The following ACTMAP variants were observed in gnomAD, a reference collection of about 807,000 sequenced individuals.
ACTMAP encodes actin maturation protease, also known as UPF0692 protein C19orf54.
At chr19:40,742,926 G>C in the ACTMAP span, among the ~76,000 whole-genome samples, 2 of 152,154 alleles carry the variant, frequency 1.3e-5, no homozygotes, top group Non-Finnish European at 2.9e-5. Flanking sequence ...TTGGGATTTG[G>C]ACCCACCGTG....
At chr19:40,749,103 G>A in the ACTMAP span, among the ~76,000 whole-genome samples, 4 of 146,926 alleles carry the variant, frequency 2.7e-5, no homozygotes, top group Non-Finnish European at 6.0e-5. Flanking sequence ...CGATTCTCCC[G>A]CCTCAGCCTC....
At chr19:40,749,616 G>A in the ACTMAP span, 6 of 1,550,462 alleles carry the variant, frequency 3.9e-6, no homozygotes, top group African/African-American at 1.4e-5. Flanking sequence ...CCCTGTGGCA[G>A]CGGGTGGAGG....
At chr19:40,744,994 A>G in the ACTMAP span, 42 of 1,098,234 alleles carry the variant, frequency 3.8e-5, no homozygotes, top group African/African-American at 5.0e-4. Flanking sequence ...GCCTGAGTGG[A>G]AAGTTCCCCC....
Sources: gnomAD v4.1 joint callset for allele counts (sites outside exome capture counted in the v4.1 genomes callset) on GRCh38, gnomAD v4.1.1 for gene constraint, MANE v1.5 for transcripts, NCBI Gene and HGNC (gene_info 2026-07-23, HGNC 2026-07-21) for gene names.